CCNC: variants seen among roughly 807,000 people sequenced by gnomAD.
CCNC encodes cyclin C, also known as cyclin-C.
CCNC carries 19 observed loss-of-function variants against 50.0 expected under a neutral mutation model. The observed-to-expected ratio is 0.38, with a 90% CI of 0.27 to 0.56. CCNC has a LOEUF of 0.56. Ranked by LOEUF, CCNC falls within the 20% of genes least tolerant of loss-of-function variation. The pLI, the probability that CCNC is intolerant of heterozygous loss-of-function variation, is 0.72. For synonymous variants in CCNC, 93 were observed against 103.7 expected (o/e 0.90, Z 0.63); for missense variants, 200 against 327.1 (o/e 0.61, Z 3.00).
intron 1 of CCNC, among the ~76,000 whole-genome samples, chr6:99,565,785 A>C (rs1268532764): frequency 6.6e-6 from 1 of 152,026 alleles, no homozygotes; most frequent in Non-Finnish European, 1.5e-5. Context: ...ATATTTCTAT[A>C]ATAAAATCCA....
chr6:99,550,348 GATTT>G lies in CCNC; in HGVS notation c.439-43_439-40del, dbSNP rs745778734. ...AAAAAATGTGTATGTATAAAAAACA[GATTT>G]ATTACAACACAAAAATGTTATCATT... On this transcript the variant is annotated intron_variant, in intron 7 of 11. Coordinates refer to ENST00000520429, the MANE Select transcript of CCNC (RefSeq NM_005190.4). 33 of 1,372,614 alleles carry G rather than the reference GATTT, an allele frequency of 2.4e-5. No individual in the cohort carries two copies. The South Asian group carries it at 2.7e-4, about 11-fold the overall frequency. 85.0% of individuals were successfully genotyped at this position (1,372,614 alleles called of 1,614,324 possible). A position where few individuals can be genotyped will look rare whatever the true frequency, so the allele number is the denominator to read the frequency against.
intron 9 of CCNC, 199 bp downstream of exon 9, chr6:99,549,306 ACTT>A: frequency 1.7e-6 from 1 of 596,740 alleles, no homozygotes; most frequent in African/African-American, 2.0e-5. Flanking sequence ...AAAAAAAAAA[ACTT>A]ACCAAAAAGG....
intron 5 of CCNC, 63 bp downstream of exon 5, chr6:99,558,434 C>A (rs1385678312): frequency 6.4e-7 from 1 of 1,570,718 alleles, no homozygotes; most frequent in East Asian, 2.3e-5. Context: ...AAAAAAAAAT[C>A]TATGTACTCT....
rs532908449 is a variant in CCNC at position 99,545,828 on chromosome 6, AG to A, written c.678+566del. ...GTTACAGAAGTTCACAGTAGTATTC[AG>A]TGGTTACCAGGGAGCTTTTAAAATA... is the stretch of plus-strand genomic sequence containing the variant. On this transcript the variant is annotated intron_variant, in intron 10 of 11. Transcript: ENST00000520429. Among the ~76,000 whole-genome samples, 81 of 152,334 alleles carry A rather than the reference AG, an allele frequency of 5.3e-4. 2 individuals carry two copies. The East Asian group carries it at 0.011, about 21-fold the overall frequency.
chr6:99,564,152 C>T (rs1214806467), intron 1 of CCNC, among the ~76,000 whole-genome samples: 5 of 152,168 alleles, frequency 3.3e-5, no homozygotes, highest in Admixed American at 1.3e-4. Context: ...TGGCCGGGCG[C>T]GGTGGCTCAT....
At chr6:99,553,715 G>A (rs1374595931) in intron 5 of CCNC, among the ~76,000 whole-genome samples, 1 of 151,944 alleles carries the variant, frequency 6.6e-6, no homozygotes, top group Non-Finnish European at 1.5e-5. Context: ...CTCAAACACT[G>A]AGATCATGCA....
intron 4 of CCNC, among the ~76,000 whole-genome samples, chr6:99,560,087 T>C (rs936868173): frequency 2.6e-5 from 4 of 152,196 alleles, no homozygotes; most frequent in African/African-American, 9.7e-5. Flanking sequence ...CACAGAGTTC[T>C]ACTCAGTAAA....
At position 99,543,597 on chromosome 6, in the gene CCNC, C is replaced by T. The variant is rs141771009; in HGVS notation, c.810G>A (p.Gln270=). The part of the protein sequence containing the change: ...PKPPPNSEGE[Q]GPNGSQNSSY... Reference sequence around the variant, plus strand: ...TAGAGTTCTGACTTCCATTTGGACCCTGCTCTCCTTCACTGTTCAAATGGG... The same window carrying T: ...TAGAGTTCTGACTTCCATTTGGACCTTGCTCTCCTTCACTGTTCAAATGGG... The change falls in exon 12 of 12, where the codon CAG becomes CAA. Residue 270 remains glutamine, a synonymous_variant. Transcript: ENST00000520429. 22 of 1,613,172 alleles carry T rather than the reference C, an allele frequency of 1.4e-5. No individual in the cohort carries two copies. The highest frequency in any genetic ancestry group is 1.9e-5 in the Non-Finnish European group (22 of 1,179,514).
At chr6:99,544,060 T>C (rs1583565394) in intron 11 of CCNC, 1 of 1,260,390 alleles carries the variant, frequency 7.9e-7, no homozygotes, top group Non-Finnish European at 1.0e-6. Context: ...CATAATAAAA[T>C]CATATATAAA....
chr6:99,568,772 CG>C (rs778520134), upstream of CCNC: 31 of 1,298,696 alleles, frequency 2.4e-5, no homozygotes, highest in Non-Finnish European at 2.5e-5. Flanking sequence ...CGGAGGGAGC[CG>C]GAGGGGAGGT....
rs188653288 is a variant in CCNC at position 99,556,779 on chromosome 6, G to A, written c.346+1718C>T. On this transcript the variant is annotated intron_variant, in intron 5 of 11. Coordinates refer to ENST00000520429, the MANE Select transcript of CCNC (RefSeq NM_005190.4). ...CTACTAAAAATACAAAAATTAGCCC[G>A]GCGTGGTGGCACACACCTGTAATCC... 9.4e-3 allele frequency among the ~76,000 whole-genome samples: 1,430 copies of A among 152,284 alleles called. 15 individuals are homozygous for A. Among genetic ancestry groups the A allele is most frequent in the Non-Finnish European group, 0.015 (988 of 68,028 alleles).
intron 1 of CCNC, among the ~76,000 whole-genome samples, chr6:99,563,177 T>C (rs569186720): frequency 1.3e-4 from 20 of 152,334 alleles, no homozygotes; most frequent in Admixed American, 2.6e-4. Context: ...CTTAGTCTGT[T>C]ACTAGCTTGT....
Position 99,562,871 on chromosome 6 carries a change from T to A in CCNC, c.110A>T (p.Tyr37Phe). Residue 37 changes from tyrosine to phenylalanine, a missense_variant, in exon 2 of 12, where the codon TAT becomes TTT. Physicochemically the swap from Tyr to Phe is conservative, Grantham distance 22. Coordinates refer to ENST00000520429, the MANE Select transcript of CCNC (RefSeq NM_005190.4). ...TGTAAAAAATATTTGTAACTTCCAA[T>A]ATTCTTCCTCTGAGAGAAACTTTAA... ...KDLKFLSEEE[Y>F]WKLQIFFTNV... 1 of 1,602,556 alleles carries A rather than the reference T, an allele frequency of 6.2e-7. No homozygotes were observed. Among genetic ancestry groups the A allele is most frequent in the Non-Finnish European group, 8.5e-7 (1 of 1,174,914 alleles).
intron 1 of CCNC, among the ~76,000 whole-genome samples, chr6:99,566,226 AT>A (rs1156417929): frequency 6.6e-6 from 1 of 151,076 alleles, no homozygotes; most frequent in South Asian, 2.1e-4. Flanking sequence ...AGCTTTTATA[AT>A]TTTTTTCCTT....
intron 1 of CCNC, chr6:99,567,012 A>G (rs867782005): frequency 4.5e-6 from 2 of 443,656 alleles, no homozygotes; most frequent in South Asian, 1.6e-5. Flanking sequence ...GGATTTGAGC[A>G]AGGCAAAGTG....
chr6:99,567,044 T>G (rs1007067121), intron 1 of CCNC: 1 of 387,674 alleles, frequency 2.6e-6, no homozygotes, highest in Non-Finnish European at 5.0e-6. Flanking sequence ...TAGGACTATT[T>G]GAATTGGGAG....
intron 5 of CCNC, chr6:99,558,256 G>A: frequency 2.1e-6 from 1 of 471,040 alleles, no homozygotes; most frequent in Non-Finnish European, 3.5e-6. Context: ...CTGAGTTGAT[G>A]TTTTTGGATT....
chr6:99,546,622 T>C (rs1237129528), intron 9 of CCNC, 148 bp from the exon 10 acceptor site: 11 of 573,120 alleles, frequency 1.9e-5, no homozygotes, highest in Non-Finnish European at 2.5e-5. Flanking sequence ...CCACTGACCA[T>C]CTCATCAATG....
chr6:99,545,441 TTATC>T (rs1175922675), intron 10 of CCNC, among the ~76,000 whole-genome samples: 1 of 152,246 alleles, frequency 6.6e-6, no homozygotes, highest in Non-Finnish European at 1.5e-5. Context: ...TTGTCCATTC[TTATC>T]TATCTCTGCA....
Sources: gnomAD v4.1 joint callset for allele counts (sites outside exome capture counted in the v4.1 genomes callset) on GRCh38, gnomAD v4.1.1 for gene constraint, MANE v1.5 for transcripts, NCBI Gene and HGNC (gene_info 2026-07-23, HGNC 2026-07-21) for gene names.